SNX24: variants seen among roughly 807,000 people sequenced by gnomAD.
The protein encoded by SNX24 is sorting nexin-24.
In SNX24, 22 loss-of-function variants were observed where a neutral mutation model predicts 28.7. The ratio of observed to expected loss-of-function variants is 0.77; its 90% confidence interval spans 0.55 to 1.10. The LOEUF is 1.10. SNX24 is among the 50% of genes least tolerant of loss of function. SNX24 has a pLI of 0.00. For synonymous variants in SNX24, 69 were observed against 71.5 expected (o/e 0.96, Z 0.18); for missense variants, 221 against 201.1 (o/e 1.10, Z -0.60).
At chr5:122,980,525 T>A (rs1761347393) in intron 3 of SNX24, among the ~76,000 whole-genome samples, 1 of 151,978 alleles carries the variant, frequency 6.6e-6, no homozygotes, top group African/African-American at 2.4e-5. Context: ...TATAACAAAA[T>A]GAAGTTGCAT....
At chr5:122,877,980 A>C (rs1028287651) in intron 1 of SNX24, among the ~76,000 whole-genome samples, 5 of 151,712 alleles carry the variant, frequency 3.3e-5, no homozygotes, top group Non-Finnish European at 7.4e-5. Flanking sequence ...TTGAGACTCA[A>C]CCTGAATCTG....
chr5:122,964,498 G>A (rs567969882), intron 3 of SNX24, among the ~76,000 whole-genome samples: 5 of 151,616 alleles, frequency 3.3e-5, no homozygotes, highest in Non-Finnish European at 5.9e-5. Flanking sequence ...TCTTTTTCTC[G>A]TGCATGTTTA....
At position 122,965,341 on chromosome 5, in the gene SNX24, C is replaced by T. The variant is rs1415519486; in HGVS notation, c.249+19182C>T. On this transcript the variant is annotated intron_variant, in intron 3 of 6. Coordinates refer to ENST00000261369, the MANE Select transcript of SNX24 (RefSeq NM_014035.4). ...TTTTCCACTCAGGCCTAATTGCTGC[C>T]GACTGGCTGCCACAGGTACCTGGAT... The T allele has an allele frequency of 8.6e-5, 35 of 407,104 alleles. No individual in the cohort carries two copies. The Middle Eastern group carries it at 1.4e-3, about 16-fold the overall frequency. The allele number at this position is 407,104 out of a possible 1,614,324, so 25.2% of individuals were successfully genotyped here. A position where few individuals can be genotyped will look rare whatever the true frequency, so the allele number is the denominator to read the frequency against.
chr5:122,861,562 T>C (rs1269215435), intron 1 of SNX24, among the ~76,000 whole-genome samples: 1 of 152,172 alleles, frequency 6.6e-6, no homozygotes, highest in Non-Finnish European at 1.5e-5. Context: ...GGATTTTTTT[T>C]TTAACCTTCC....
chr5:122,925,188 TCCTTCTTC>T (rs1758632929), intron 1 of SNX24, among the ~76,000 whole-genome samples: 1 of 72,296 alleles, frequency 1.4e-5, no homozygotes, highest in Admixed American at 1.9e-4. Context: ...TCCCCTCCCA[TCCTTCTTC>T]CCCCTTCCTA....
At chr5:122,963,063 G>C (rs35830997) in intron 3 of SNX24, among the ~76,000 whole-genome samples, 4,136 of 152,108 alleles carry the variant, frequency 0.027, 75 homozygotes, top group Non-Finnish European at 0.038. Context: ...GTGAAACCTC[G>C]TCTCTGCTAA....
At chr5:122,896,459 A>G (rs943114412) in intron 1 of SNX24, among the ~76,000 whole-genome samples, 6 of 152,204 alleles carry the variant, frequency 3.9e-5, no homozygotes, top group African/African-American at 1.2e-4. Flanking sequence ...CAGCTGGCGA[A>G]TGCTGTCCTA....
chr5:122,996,821 G>A (rs1237790472), intron 3 of SNX24, among the ~76,000 whole-genome samples: 2 of 152,172 alleles, frequency 1.3e-5, no homozygotes, highest in Non-Finnish European at 2.9e-5. Context: ...TAAAACAATA[G>A]GGAGATAGGA....
intron 1 of SNX24, among the ~76,000 whole-genome samples, chr5:122,910,645 A>T (rs1757842610): frequency 8.9e-6 from 1 of 112,592 alleles, no homozygotes; most frequent in African/African-American, 3.5e-5. Context: ...CAGTCCCCAG[A>T]GTGTGATGTT....
intron 3 of SNX24, among the ~76,000 whole-genome samples, chr5:122,994,890 G>A (rs1290904812): frequency 6.6e-6 from 1 of 151,914 alleles, no homozygotes; most frequent in Non-Finnish European, 1.5e-5. Context: ...ACACTCTATT[G>A]CCCAGTTTTA....
intron 3 of SNX24, among the ~76,000 whole-genome samples, chr5:122,976,367 G>A (rs916240830): frequency 6.7e-6 from 1 of 149,774 alleles, no homozygotes; most frequent in Admixed American, 6.7e-5. Context: ...CTGTTTAAGT[G>A]TAAGAAACCT....
At chr5:122,959,624 C>T (rs1440760796) in intron 3 of SNX24, among the ~76,000 whole-genome samples, 7 of 151,584 alleles carry the variant, frequency 4.6e-5, no homozygotes, top group Admixed American at 3.9e-4. Flanking sequence ...TTTTGCTGGT[C>T]ATTTGGGAAG....
At chr5:122,911,264 C>G (rs1757875121) in intron 1 of SNX24, among the ~76,000 whole-genome samples, 1 of 152,174 alleles carries the variant, frequency 6.6e-6, no homozygotes, top group Non-Finnish European at 1.5e-5. Flanking sequence ...GCATAAATGT[C>G]TTCTTTTGAG....
chr5:122,925,628 C>A (rs1305058708), intron 1 of SNX24, among the ~76,000 whole-genome samples: 1 of 152,072 alleles, frequency 6.6e-6, no homozygotes, highest in African/African-American at 2.4e-5. Flanking sequence ...TTACAACTTC[C>A]TTTCTATAAG....
chr5:122,991,763 TTTG>T (rs770536184), intron 3 of SNX24, among the ~76,000 whole-genome samples: 8 of 147,672 alleles, frequency 5.4e-5, no homozygotes, highest in Non-Finnish European at 1.0e-4. Context: ...ACCCAGTCGT[TTTG>T]TTGTTGTTGT....
At chr5:123,010,695 G>A (rs374426771), downstream of SNX24, among the ~76,000 whole-genome samples, 16 of 152,184 alleles carry the variant, frequency 1.1e-4, no homozygotes, top group South Asian at 2.3e-3. Context: ...CCGAATTCCC[G>A]TTCCACAGAA....
chr5:122,880,770 T>C (rs547962541), intron 1 of SNX24, among the ~76,000 whole-genome samples: 1 of 152,336 alleles, frequency 6.6e-6, no homozygotes, highest in East Asian at 1.9e-4. Context: ...TAATTATTTG[T>C]AGCTTGTCAA....
At chr5:123,025,784 C>T (rs1762842354) in intron 5 of SNX24, 2 of 1,610,808 alleles carry the variant, frequency 1.2e-6, no homozygotes, top group African/African-American at 2.7e-5. Flanking sequence ...ATCAATTTAC[C>T]ATCCCATCAA....
intron 1 of SNX24, among the ~76,000 whole-genome samples, chr5:122,886,293 A>G (rs1476189084): frequency 6.6e-6 from 1 of 152,186 alleles, no homozygotes; most frequent in Admixed American, 6.5e-5. Flanking sequence ...GTGAATTTTA[A>G]TAAAGTTGTC....
Sources: gnomAD v4.1 joint callset for allele counts (sites outside exome capture counted in the v4.1 genomes callset) on GRCh38, gnomAD v4.1.1 for gene constraint, MANE v1.5 for transcripts, NCBI Gene and HGNC (gene_info 2026-07-23, HGNC 2026-07-21) for gene names.